Variants in MCM6 observed in about 807,000 individuals in gnomAD.
The protein encoded by MCM6 is minichromosome maintenance complex component 6, also known as DNA replication licensing factor MCM6.
A neutral mutation model predicts 94.3 loss-of-function variants in MCM6; 46 were observed. The observed-to-expected ratio is 0.49, with a 90% confidence interval of 0.39 to 0.62. MCM6 has a LOEUF of 0.62. Ranked by LOEUF, MCM6 falls within the 20% of genes least tolerant of loss-of-function variation. The pLI, the probability that MCM6 is intolerant of heterozygous loss-of-function variation, is 0.00. For missense variants in MCM6, 865 were observed against 1,017.9 expected, an observed-to-expected ratio of 0.85 and a Z score of 2.04; for synonymous variants, 335 against 351.9, an observed-to-expected ratio of 0.95 and a Z score of 0.54.
intron 12 of MCM6, 98 bp from the exon 13 acceptor site, chr2:135,851,661 G>A (rs1679782086): frequency 1.9e-6 from 2 of 1,040,472 alleles, no homozygotes; most frequent in African/African-American, 1.6e-5. Flanking sequence ...AACATTTAGG[G>A]AACCTGAGAG....
chr2:135,871,156 G>A (rs1680193472), intron 2 of MCM6, among the ~76,000 whole-genome samples: 1 of 152,150 alleles, frequency 6.6e-6, no homozygotes, highest in Admixed American at 6.6e-5. Context: ...AAGTATGCAT[G>A]TCCTTTTGAT....
In MCM6 at chr2:135,848,205, G is replaced by T; in HGVS notation, c.1918-17C>A. The T allele has an allele frequency of 6.3e-7, 1 of 1,582,216 alleles. No individual in the cohort carries two copies. Reference sequence around the variant, plus strand: ...AGGTTGGACCTAAACCAATAATGATGAAGTAATTAAGCTACTTTTTTTGAT... The same window carrying T: ...AGGTTGGACCTAAACCAATAATGATTAAGTAATTAAGCTACTTTTTTTGAT... On this transcript the variant is annotated splice_polypyrimidine_tract_variant and intron_variant, in intron 13 of 16. Transcript: ENST00000264156.
At chr2:135,862,219 GTATAA>G (rs1289968241) in intron 8 of MCM6, among the ~76,000 whole-genome samples, 13 of 151,310 alleles carry the variant, frequency 8.6e-5, no homozygotes, top group African/African-American at 3.2e-4. Context: ...TTACAAGTAT[GTATAA>G]TATGATTTAC....
At chr2:135,869,784 C>T (rs555599985) in intron 3 of MCM6, among the ~76,000 whole-genome samples, 1 of 152,180 alleles carries the variant, frequency 6.6e-6, no homozygotes, top group South Asian at 2.1e-4. Context: ...CCCTAAAAGG[C>T]GCCCTAAAAT....
At chr2:135,849,813 A>G (rs4988244) in intron 13 of MCM6, among the ~76,000 whole-genome samples, 43 of 152,316 alleles carry the variant, frequency 2.8e-4, no homozygotes, top group Non-Finnish European at 4.4e-4. Context: ...CTAGGTAAAT[A>G]ATGGGAGAAT....
At chr2:135,867,143 C>G (rs1191942519) in intron 4 of MCM6, among the ~76,000 whole-genome samples, 2 of 152,170 alleles carry the variant, frequency 1.3e-5, no homozygotes, top group African/African-American at 4.8e-5. Context: ...ACATTATTTA[C>G]AGATACATGT....
intron 15 of MCM6, among the ~76,000 whole-genome samples, chr2:135,845,508 G>A (rs1011846028): frequency 4.6e-5 from 7 of 152,192 alleles, no homozygotes; most frequent in African/African-American, 1.7e-4. Context: ...GTTCCCAGGG[G>A]AACAAGGGCA....
At chr2:135,870,199 G>T in intron 3 of MCM6, 52 bp downstream of exon 3, 2 of 1,322,036 alleles carry the variant, frequency 1.5e-6, no homozygotes, top group South Asian at 1.2e-5. Flanking sequence ...TCAGCTAAGT[G>T]GTACTTATAC....
At chr2:135,859,470 A>G (rs1213004994) in intron 8 of MCM6, 28 bp from the exon 9 acceptor site, 1 of 1,543,552 alleles carries the variant, frequency 6.5e-7, no homozygotes, top group African/African-American at 1.4e-5. Context: ...ATAAAGACTC[A>G]TTAATATGTG....
chr2:135,854,219 C>G (rs994245346), intron 11 of MCM6, among the ~76,000 whole-genome samples: 2 of 148,808 alleles, frequency 1.3e-5, no homozygotes. Flanking sequence ...ACAGCCAGAC[C>G]CTGTCTCAAA....
At chr2:135,852,597 T>C (rs556930097) in intron 12 of MCM6, among the ~76,000 whole-genome samples, 190 bp downstream of exon 12, 2 of 151,728 alleles carry the variant, frequency 1.3e-5, no homozygotes, top group South Asian at 2.1e-4. Context: ...TTATTCAGAA[T>C]TTTTTTTACA....
At chr2:135,856,968 TTAAC>T (rs1234365955) in intron 10 of MCM6, 85 bp from the exon 11 acceptor site, 3 of 1,268,250 alleles carry the variant, frequency 2.4e-6, no homozygotes, top group Admixed American at 2.6e-5. Context: ...TCACCCATAA[TTAAC>T]TAAACACAAA....
intron 5 of MCM6, 98 bp downstream of exon 5, chr2:135,866,465 T>C (rs1246270931): frequency 1.4e-6 from 2 of 1,453,296 alleles, no homozygotes; most frequent in Non-Finnish European, 1.9e-6. Context: ...CAGCTTCTGA[T>C]TGGTAGCCAA....
chr2:135,871,870 C>A (rs1425603697), intron 2 of MCM6, among the ~76,000 whole-genome samples: 4 of 152,182 alleles, frequency 2.6e-5, no homozygotes, highest in African/African-American at 9.7e-5. Context: ...TGGTGGATTA[C>A]AAGTGTATAA....
rs2105573145 is a variant in MCM6, at chr2:135,846,445, T to C, written c.2054-53A>G. ...TTATTTTTGTGCCCTTAACATCCCC[T>C]TGTCAAGCATTTACAAATACACTAC... On this transcript the variant is annotated intron_variant, in intron 14 of 16. Transcript: ENST00000264156. 6 of 1,452,894 alleles carry C rather than the reference T, an allele frequency of 4.1e-6. No homozygotes were observed. In the South Asian group the frequency reaches 6.9e-5, roughly 17 times the overall value. The allele number at this position is 1,452,894 out of a possible 1,614,324, so 90.0% of individuals were successfully genotyped here. A position where few individuals can be genotyped will look rare whatever the true frequency, so the allele number is the denominator to read the frequency against.
At chr2:135,870,713 T>C (rs886611802) in intron 2 of MCM6, among the ~76,000 whole-genome samples, 2 of 152,228 alleles carry the variant, frequency 1.3e-5, no homozygotes, top group Non-Finnish European at 2.9e-5. Flanking sequence ...GTGGGCTGTT[T>C]ATGACTTAGT....
intron 10 of MCM6, 116 bp from the exon 11 acceptor site, chr2:135,856,999 C>T: frequency 8.2e-6 from 7 of 849,248 alleles, no homozygotes; most frequent in Non-Finnish European, 1.1e-5. Flanking sequence ...TAATGACATA[C>T]CCTTTTTCAC....
At chr2:135,850,473 G>A (rs1175315501) in intron 13 of MCM6, among the ~76,000 whole-genome samples, 2 of 152,064 alleles carry the variant, frequency 1.3e-5, no homozygotes. Context: ...GAAGGCAGGG[G>A]CTCTCATTCA....
At chr2:135,865,255 A>C in intron 6 of MCM6, 92 bp from the exon 7 acceptor site, 1 of 917,060 alleles carries the variant, frequency 1.1e-6, no homozygotes, top group Non-Finnish European at 1.5e-6. Context: ...ACAACATAGC[A>C]TGGGAAGTCA....
Sources: gnomAD v4.1 joint callset for allele counts (sites outside exome capture counted in the v4.1 genomes callset) on GRCh38, gnomAD v4.1.1 for gene constraint, MANE v1.5 for transcripts, NCBI Gene and HGNC (gene_info 2026-07-23, HGNC 2026-07-21) for gene names.